CDC42BPA: variants seen among roughly 807,000 people sequenced by gnomAD.
The protein encoded by CDC42BPA is serine/threonine-protein kinase MRCK alpha.
Under a neutral mutation model 223.5 loss-of-function variants are expected in CDC42BPA, and 80 were observed. The observed-to-expected ratio is 0.36, with a 90% CI of 0.30 to 0.43. The LOEUF is 0.43. CDC42BPA is among the 20% of genes least tolerant of loss of function. The pLI, the probability that CDC42BPA is intolerant of heterozygous loss-of-function variation, is 1.00. For missense variants in CDC42BPA, 1,743 were observed against 2,099.9 expected (o/e 0.83, Z 3.32); for synonymous variants, 694 against 718.6 (o/e 0.97, Z 0.55).
intron 3 of CDC42BPA, among the ~76,000 whole-genome samples, chr1:227,208,831 C>T (rs952338624): frequency 8.5e-5 from 13 of 152,064 alleles, no homozygotes; most frequent in African/African-American, 2.4e-4. Flanking sequence ...ATTGCCTTGG[C>T]GATGCGGGCT....
chr1:227,161,108 A>T (rs1663807998), intron 5 of CDC42BPA, among the ~76,000 whole-genome samples: 1 of 152,190 alleles, frequency 6.6e-6, no homozygotes, highest in South Asian at 2.1e-4. Context: ...TTGCTTCATA[A>T]AGTTGATTTT....
At chr1:227,070,826 T>C (rs546382304) in intron 20 of CDC42BPA, among the ~76,000 whole-genome samples, 1 of 151,908 alleles carries the variant, frequency 6.6e-6, no homozygotes, top group African/African-American at 2.4e-5. Flanking sequence ...GTGGTAAACA[T>C]GCCTTCAGTG....
chr1:226,989,920 T>C lies in CDC42BPA; in HGVS notation c.*4348A>G, dbSNP rs549502587. 2.6e-5 allele frequency: 4 copies of C among 152,752 alleles called. No individual in the cohort carries two copies. The highest frequency in any genetic ancestry group is 1.9e-4 in the East Asian group (1 of 5,192). The allele number at this position is 152,752 out of a possible 1,614,324, so 9.5% of individuals were successfully genotyped here. On this transcript the variant is annotated 3_prime_UTR_variant, in exon 37 of 37. Coordinates refer to ENST00000366766, the MANE Select transcript of CDC42BPA (RefSeq NM_001394014.1). ...AAAGTCTGGTTAATATTAAGTGATA[T>C]CAACATAAAGTATTGGTGAGGAGTC... is the stretch of plus-strand genomic sequence containing the variant.
intron 10 of CDC42BPA, among the ~76,000 whole-genome samples, chr1:227,133,827 G>C (rs1357280364): frequency 2.0e-5 from 3 of 151,934 alleles, no homozygotes; most frequent in Admixed American, 6.6e-5. Flanking sequence ...CAAACACTGC[G>C]GAAGGCCGCA....
chr1:227,104,029 CA>C (rs1685485579), intron 14 of CDC42BPA, among the ~76,000 whole-genome samples: 1 of 151,902 alleles, frequency 6.6e-6, no homozygotes, highest in Non-Finnish European at 1.5e-5. Context: ...GAAAACACTT[CA>C]AAAAGTAAAA....
chr1:227,071,993 T>C (rs555133585), intron 20 of CDC42BPA, among the ~76,000 whole-genome samples: 38 of 151,976 alleles, frequency 2.5e-4, no homozygotes, highest in African/African-American at 8.9e-4. Context: ...CATTAAACAA[T>C]GCATATTAAG....
chr1:227,008,944 G>C (rs1664643420), intron 34 of CDC42BPA, among the ~76,000 whole-genome samples: 1 of 152,012 alleles, frequency 6.6e-6, no homozygotes. Context: ...ACATATACAA[G>C]AGCAACCCTG....
chr1:227,141,554 C>T (rs1333762078), intron 9 of CDC42BPA, among the ~76,000 whole-genome samples: 2 of 152,130 alleles, frequency 1.3e-5, no homozygotes, highest in African/African-American at 2.4e-5. Flanking sequence ...AATATGGTAA[C>T]TGGAGCTTGT....
chr1:227,201,454 T>G (rs995235753), intron 3 of CDC42BPA, among the ~76,000 whole-genome samples: 3 of 152,120 alleles, frequency 2.0e-5, no homozygotes, highest in African/African-American at 4.8e-5. Flanking sequence ...AAAAATCAAT[T>G]TTATGTATCA....
intron 14 of CDC42BPA, among the ~76,000 whole-genome samples, chr1:227,102,475 G>A (rs918646793): frequency 6.6e-6 from 1 of 151,994 alleles, no homozygotes; most frequent in African/African-American, 2.4e-5. Flanking sequence ...CCACTGACCC[G>A]TACTATTCTT....
At chr1:227,023,152 C>T in intron 32 of CDC42BPA, 111 bp downstream of exon 32, 1 of 599,334 alleles carries the variant, frequency 1.7e-6, no homozygotes, top group South Asian at 1.9e-5. Flanking sequence ...GTAAGATACA[C>T]CTGTGTTGAA....
At chr1:227,289,601 C>G (rs1391299800) in intron 1 of CDC42BPA, among the ~76,000 whole-genome samples, 1 of 152,114 alleles carries the variant, frequency 6.6e-6, no homozygotes, top group African/African-American at 2.4e-5. Flanking sequence ...TCCATGAGAG[C>G]AGAAACCCTG....
intron 1 of CDC42BPA, among the ~76,000 whole-genome samples, chr1:227,261,127 T>C (rs1157246348): frequency 2.1e-5 from 3 of 140,524 alleles, no homozygotes; most frequent in African/African-American, 8.3e-5. Flanking sequence ...AGTTTTTCTT[T>C]TTTTTTGAGA....
chr1:227,306,883 A>C (rs1418772182), intron 1 of CDC42BPA, among the ~76,000 whole-genome samples: 1 of 152,200 alleles, frequency 6.6e-6, no homozygotes, highest in Non-Finnish European at 1.5e-5. Context: ...TTTTAATAGT[A>C]TCTGAGTCAA....
chr1:227,123,578 T>C (rs1325207044), intron 11 of CDC42BPA, among the ~76,000 whole-genome samples: 2 of 152,190 alleles, frequency 1.3e-5, no homozygotes, highest in African/African-American at 2.4e-5. Context: ...GCAGGCTGTA[T>C]GTGCTATAGG....
At chr1:227,264,612 C>A (rs1051676573) in intron 1 of CDC42BPA, among the ~76,000 whole-genome samples, 1 of 143,400 alleles carries the variant, frequency 7.0e-6, no homozygotes, top group Non-Finnish European at 1.5e-5. Context: ...AAAAGTATAA[C>A]AATTCAGTTA....
At chr1:227,241,043 A>C (rs966213332) in intron 2 of CDC42BPA, among the ~76,000 whole-genome samples, 1 of 152,104 alleles carries the variant, frequency 6.6e-6, no homozygotes, top group Non-Finnish European at 1.5e-5. Context: ...AAGACTGAGC[A>C]AAAAATTTGA....
chr1:227,139,670 C>G lies in CDC42BPA; in HGVS notation c.1296G>C (p.Gln432His). 1 of 1,610,550 alleles carries G rather than the reference C, an allele frequency of 6.2e-7. No homozygotes were observed. The highest frequency in any genetic ancestry group is 8.5e-7 in the Non-Finnish European group (1 of 1,178,390). Residue 432 changes from glutamine (Q) to histidine (H), a missense_variant, in exon 10 of 37, where the codon CAG becomes CAC. This residue lies in a region of CDC42BPA where 464 missense variants were observed against 488.0 expected (regional missense o/e 0.95). Coordinates refer to ENST00000366766, the MANE Select transcript of CDC42BPA (RefSeq NM_001394014.1). ...PTSLDLDVNV[Q>H]RTLDNNLATE... ...TTGCTAAGTTGTTGTCTAGAGTCCT[C>G]TGAACATTAACATCAAGATCCAGTG...
At chr1:227,255,978 A>G (rs1330440090) in intron 1 of CDC42BPA, among the ~76,000 whole-genome samples, 1 of 152,196 alleles carries the variant, frequency 6.6e-6, no homozygotes, top group Non-Finnish European at 1.5e-5. Context: ...GAGAGAGAAA[A>G]GACAACCCAT....
Sources: allele counts gnomAD v4.1 joint callset (sites outside exome capture counted in the v4.1 genomes callset), GRCh38; gene constraint gnomAD v4.1.1; regional missense constraint gnomAD v4.1.1; transcripts MANE v1.5; gene names NCBI Gene and HGNC (gene_info 2026-07-23, HGNC 2026-07-21).